Variants in PLEKHM3 observed in about 807,000 individuals in gnomAD.
The protein encoded by PLEKHM3 is pleckstrin homology domain containing M3.
Under a neutral mutation model 81.8 loss-of-function variants are expected in PLEKHM3, and 45 were observed. The observed-to-expected ratio is 0.55, with a 90% CI of 0.43 to 0.71. The LOEUF is 0.71. PLEKHM3 is among the 30% of genes least tolerant of loss of function. PLEKHM3 has a pLI of 0.00. For missense variants in PLEKHM3, 788 were observed against 924.3 expected (o/e 0.85, Z 1.91); for synonymous variants, 352 against 356.4 (o/e 0.99, Z 0.14).
chr2:207,973,884 TTTTC>T (rs1222026340), intron 3 of PLEKHM3, among the ~76,000 whole-genome samples: 2 of 152,152 alleles, frequency 1.3e-5, no homozygotes, highest in Non-Finnish European at 1.5e-5. Context: ...CTTTTCTTTC[TTTTC>T]TTTTTTTTTG....
Position 207,889,971 on chromosome 2 carries a change from T to A in PLEKHM3, c.1950+18543A>T, listed in dbSNP as rs898539018. Among the ~76,000 whole-genome samples the A allele has an allele frequency of 4.6e-5, 7 of 152,074 alleles. No individual in the cohort carries two copies. The South Asian group carries it at 8.3e-4, about 18-fold the overall frequency. ...GTGGCCTACCACCACACCTGGCTAA[T>A]TTTTTGTATTTTTAGTAGAGACGGG... On this transcript the variant is annotated intron_variant, in intron 6 of 7. Transcript: ENST00000427836.
rs945911123 is a variant in PLEKHM3 at position 207,912,301 on chromosome 2, T to C, written c.1887-3724A>G. ...GCTATGTATTTATTTAATGTTTCTA[T>C]GTGTATATATATTTCACATATGTTT... On this transcript the variant is annotated intron_variant, in intron 5 of 7. Transcript: ENST00000427836. Among the ~76,000 whole-genome samples the C allele has an allele frequency of 2.0e-5, 3 of 152,380 alleles. No homozygotes were observed. In the South Asian group the frequency reaches 6.2e-4, roughly 32 times the overall value.
chr2:207,917,913 A>G (rs1273618863), intron 5 of PLEKHM3, among the ~76,000 whole-genome samples: 2 of 152,132 alleles, frequency 1.3e-5, no homozygotes, highest in Non-Finnish European at 2.9e-5. Context: ...TTTGATTTAC[A>G]ATAGCATGCA....
At position 207,828,042 on chromosome 2, in the gene PLEKHM3, G is replaced by T. The variant is rs2092261935; in HGVS notation, c.*277C>A. On this transcript the variant is annotated 3_prime_UTR_variant, in exon 8 of 8. Transcript: ENST00000427836. The stretch of plus-strand genomic sequence containing the variant: ...CATTGTGTATACCACGTTTTGTCTG[G>T]GAGCAAGCAGCTGAAATTCTTGGCT... 8.7e-6 allele frequency: 2 copies of T among 230,150 alleles called. No homozygotes were observed. The highest frequency in any genetic ancestry group is 1.6e-5 in the Non-Finnish European group (2 of 121,234). 14.3% of individuals were successfully genotyped at this position (230,150 alleles called of 1,614,324 possible). A position where few individuals can be genotyped will look rare whatever the true frequency, so the allele number is the denominator to read the frequency against.
In PLEKHM3 at chr2:207,977,639, AGGCACAAGAAACCACACAGATCAG is replaced by A. The variant is rs1220987943; in HGVS notation, c.611-77_611-54del. The A allele has an allele frequency of 2.9e-5, 43 of 1,478,434 alleles. No homozygotes were observed. The East Asian group carries it at 8.6e-4, about 30-fold the overall frequency. The allele number at this position is 1,478,434 out of a possible 1,614,324, so 91.6% of individuals were successfully genotyped here. The stretch of plus-strand genomic sequence containing the variant: ...TGATTAGAATTAGTTATAAGAAGGC[AGGCACAAGAAACCACACAGATCAG>A]GGCACAAGAAACCACACAGATCAGG... On this transcript the variant is annotated intron_variant, in intron 2 of 7. Transcript: ENST00000427836.
At chr2:207,917,738 C>T (rs1354734454) in intron 5 of PLEKHM3, among the ~76,000 whole-genome samples, 1 of 152,074 alleles carries the variant, frequency 6.6e-6, no homozygotes, top group Non-Finnish European at 1.5e-5. Flanking sequence ...GTCCCAGCTA[C>T]TCAGGAGGCT....
At chr2:207,874,804 C>A (rs1348817112) in intron 6 of PLEKHM3, among the ~76,000 whole-genome samples, 1 of 151,790 alleles carries the variant, frequency 6.6e-6, no homozygotes, top group East Asian at 2.0e-4. Flanking sequence ...ATTGGCCAGG[C>A]TGGTCTTGAA....
At chr2:207,854,655 G>A (rs893331974) in intron 7 of PLEKHM3, among the ~76,000 whole-genome samples, 1 of 152,158 alleles carries the variant, frequency 6.6e-6, no homozygotes, top group African/African-American at 2.4e-5. Context: ...CCAAGAGAAA[G>A]CTCAACAGGT....
intron 1 of PLEKHM3, among the ~76,000 whole-genome samples, chr2:208,003,017 T>G (rs1051691343): frequency 1.3e-5 from 2 of 152,048 alleles, no homozygotes; most frequent in African/African-American, 4.8e-5. Context: ...ATTGACATGG[T>G]TTGGTTGTGT....
At chr2:207,961,371 T>C (rs539332569) in intron 3 of PLEKHM3, among the ~76,000 whole-genome samples, 2 of 152,324 alleles carry the variant, frequency 1.3e-5, no homozygotes, top group South Asian at 2.1e-4. Context: ...ACTTCCTTTA[T>C]AGAAAAAATA....
chr2:207,904,308 A>C (rs1171003518), intron 6 of PLEKHM3, among the ~76,000 whole-genome samples: 2 of 152,172 alleles, frequency 1.3e-5, no homozygotes, highest in African/African-American at 2.4e-5. Context: ...TAAACACAAG[A>C]AATGAGTAAA....
At chr2:207,971,249 G>T (rs1691110214) in intron 3 of PLEKHM3, among the ~76,000 whole-genome samples, 1 of 152,198 alleles carries the variant, frequency 6.6e-6, no homozygotes, top group Non-Finnish European at 1.5e-5. Flanking sequence ...GTGTGCTAGT[G>T]CCAAGAAAAC....
At chr2:207,857,070 G>A (rs754349834) in intron 7 of PLEKHM3, among the ~76,000 whole-genome samples, 7 of 152,130 alleles carry the variant, frequency 4.6e-5, no homozygotes, top group Non-Finnish European at 8.8e-5. Context: ...CCAGTTAATT[G>A]ACAGTGCTGT....
At chr2:207,880,410 GA>G (rs11458180) in intron 6 of PLEKHM3, among the ~76,000 whole-genome samples, 17 of 131,522 alleles carry the variant, frequency 1.3e-4, no homozygotes, top group South Asian at 8.0e-4. Flanking sequence ...CTGTCTAAAA[GA>G]AAAAAAAAAA....
Position 207,974,903 on chromosome 2 carries a change from C to G in PLEKHM3, c.1546+1748G>C, listed in dbSNP as rs535679039. On this transcript the variant is annotated intron_variant, in intron 3 of 7. Coordinates refer to ENST00000427836, the MANE Select transcript of PLEKHM3 (RefSeq NM_001080475.3). Reference sequence around the variant, plus strand: ...CTGGAGTGCAGTGGTGCAATCTCAGCTCACTGAAACCTCCGCCTCCCAGGT... The same window carrying G: ...CTGGAGTGCAGTGGTGCAATCTCAGGTCACTGAAACCTCCGCCTCCCAGGT... Among the ~76,000 whole-genome samples the G allele has an allele frequency of 1.4e-3, 206 of 151,418 alleles. 1 individual carries two copies. The highest frequency in any genetic ancestry group is 0.012 in the South Asian group (55 of 4,780).
At chr2:207,846,148 G>T (rs953040599) in intron 7 of PLEKHM3, among the ~76,000 whole-genome samples, 1 of 151,998 alleles carries the variant, frequency 6.6e-6, no homozygotes, top group African/African-American at 2.4e-5. Context: ...TGATCTTTTT[G>T]TTTTTTGTTT....
At chr2:207,886,602 C>G (rs1418461992) in intron 6 of PLEKHM3, among the ~76,000 whole-genome samples, 1 of 152,084 alleles carries the variant, frequency 6.6e-6, no homozygotes, top group Admixed American at 6.5e-5. Flanking sequence ...GCTGCAAGGC[C>G]CTGAGCCTGC....
chr2:207,920,731 G>C (rs749059860), intron 5 of PLEKHM3, among the ~76,000 whole-genome samples: 2 of 149,328 alleles, frequency 1.3e-5, no homozygotes, highest in Non-Finnish European at 3.0e-5. Context: ...TTTTATTTCT[G>C]TTTTGGCTAA....
At chr2:207,928,210 T>G (rs1302459238) in intron 5 of PLEKHM3, among the ~76,000 whole-genome samples, 2 of 152,202 alleles carry the variant, frequency 1.3e-5, no homozygotes, top group Non-Finnish European at 2.9e-5. Context: ...TCTGTAGGAA[T>G]CAATGTCTCA....
Sources: allele counts gnomAD v4.1 joint callset (sites outside exome capture counted in the v4.1 genomes callset), GRCh38; gene constraint gnomAD v4.1.1; transcripts MANE v1.5; gene names NCBI Gene and HGNC (gene_info 2026-07-23, HGNC 2026-07-21).